Variants in STK32A observed in about 807,000 individuals in gnomAD.
The protein encoded by STK32A is serine/threonine-protein kinase 32A.
STK32A carries 41 observed loss-of-function variants against 53.2 expected under a neutral mutation model. The observed-to-expected ratio is 0.77, with a 90% CI of 0.60 to 1.00. The LOEUF (loss-of-function observed/expected upper bound fraction) is 1.00, where lower values mean the gene tolerates loss of function less well. STK32A is among the 50% of genes least tolerant of loss of function. The pLI is 0.00. For synonymous variants in STK32A, 166 were observed against 162.8 expected (o/e 1.02, Z -0.15); for missense variants, 458 against 485.8 (o/e 0.94, Z 0.54).
intron 7 of STK32A, among the ~76,000 whole-genome samples, chr5:147,357,915 T>C (rs1756326654): frequency 6.6e-6 from 1 of 152,114 alleles, no homozygotes; most frequent in Non-Finnish European, 1.5e-5. Flanking sequence ...ATCTATATTC[T>C]GTAGATTTCA....
chr5:147,270,408 C>T (rs1039249775), intron 2 of STK32A, among the ~76,000 whole-genome samples: 1 of 146,266 alleles, frequency 6.8e-6, no homozygotes. Flanking sequence ...TTGAGACAGT[C>T]TCCCTATGTT....
At chr5:147,370,859 G>A in intron 9 of STK32A, 89 bp downstream of exon 9, 1 of 818,878 alleles carries the variant, frequency 1.2e-6, no homozygotes, top group Non-Finnish European at 2.1e-6. Context: ...CAATATTGGG[G>A]ACAGTCATGA....
intron 4 of STK32A, among the ~76,000 whole-genome samples, chr5:147,300,461 G>T (rs1156433603): frequency 2.0e-5 from 3 of 152,166 alleles, no homozygotes; most frequent in African/African-American, 7.2e-5. Flanking sequence ...ACTGTGTAAG[G>T]CAGGTATGTC....
intron 6 of STK32A, among the ~76,000 whole-genome samples, chr5:147,343,759 C>T (rs952083631): frequency 3.9e-5 from 6 of 152,050 alleles, no homozygotes; most frequent in African/African-American, 1.2e-4. Context: ...TAGTATGTAC[C>T]AATGTATCTC....
At chr5:147,390,484 A>AAG (rs1757770158), downstream of STK32A, among the ~76,000 whole-genome samples, 2 of 151,874 alleles carry the variant, frequency 1.3e-5, no homozygotes, top group African/African-American at 4.8e-5. Context: ...AGACCAAAAA[A>AAG]AAAAAAAAAA....
intron 2 of STK32A, among the ~76,000 whole-genome samples, chr5:147,267,566 A>G (rs1754861604): frequency 6.6e-6 from 1 of 152,192 alleles, no homozygotes; most frequent in African/African-American, 2.4e-5. Context: ...GTGCCTATAG[A>G]TGTATATATG....
the STK32A span, among the ~76,000 whole-genome samples, chr5:147,399,806 A>G: frequency 6.6e-6 from 1 of 152,230 alleles, no homozygotes; most frequent in Non-Finnish European, 1.5e-5. Flanking sequence ...TCTTGGAACT[A>G]TTCCAAATAG....
Position 147,339,700 on chromosome 5 carries a change from C to T in STK32A, c.435-3306C>T, listed in dbSNP as rs564442391. Among the ~76,000 whole-genome samples the T allele has an allele frequency of 6.8e-4, 103 of 152,376 alleles. 6 individuals are homozygous for T. The highest frequency in any genetic ancestry group is 5.6e-3 in the Admixed American group (85 of 15,312). On this transcript the variant is annotated intron_variant, in intron 5 of 12. Transcript: ENST00000397936. ...TGTGGGAGCCCACATGTTACATCAG[C>T]GTGACCTGGATGTGAGACATGGAGT...
At chr5:147,276,695 T>G (rs185288883) in intron 2 of STK32A, among the ~76,000 whole-genome samples, 6 of 152,308 alleles carry the variant, frequency 3.9e-5, no homozygotes, top group Non-Finnish European at 7.4e-5. Context: ...TCATTAAGCT[T>G]ATGCTATAGT....
intron 2 of STK32A, among the ~76,000 whole-genome samples, chr5:147,241,369 C>T (rs2151938159): frequency 6.6e-6 from 1 of 152,256 alleles, no homozygotes; most frequent in Admixed American, 6.5e-5. Flanking sequence ...GTCCCAGCTA[C>T]TCGGGAGGCT....
At chr5:147,391,410 CAGAG>C (rs1043828405), downstream of STK32A, 2 of 152,556 alleles carry the variant, frequency 1.3e-5, no homozygotes, top group African/African-American at 4.8e-5. Context: ...CCGTGGCCCT[CAGAG>C]AGAACCGGGA....
chr5:147,350,030 G>A (rs1755883683), intron 6 of STK32A, among the ~76,000 whole-genome samples: 1 of 151,566 alleles, frequency 6.6e-6, no homozygotes, highest in Admixed American at 6.6e-5. Context: ...AGAATCACTT[G>A]AACCCGGGAG....
intron 4 of STK32A, among the ~76,000 whole-genome samples, chr5:147,306,240 T>C (rs1224644695): frequency 6.6e-6 from 1 of 152,118 alleles, no homozygotes; most frequent in Non-Finnish European, 1.5e-5. Flanking sequence ...TGACCATTTA[T>C]AATCCCTTTG....
At chr5:147,322,016 C>T (rs551730745) in intron 4 of STK32A, among the ~76,000 whole-genome samples, 1 of 152,240 alleles carries the variant, frequency 6.6e-6, no homozygotes, top group African/African-American at 2.4e-5. Context: ...CAGCAGGTCC[C>T]AGATATGATT....
chr5:147,286,775 A>G (rs373461164), intron 4 of STK32A, among the ~76,000 whole-genome samples: 1 of 152,178 alleles, frequency 6.6e-6, no homozygotes, highest in African/African-American at 2.4e-5. Context: ...CTTCTTGGTC[A>G]GTTGTCACAG....
At chr5:147,304,777 C>G (rs1182257676) in intron 4 of STK32A, among the ~76,000 whole-genome samples, 2 of 152,100 alleles carry the variant, frequency 1.3e-5, no homozygotes, top group East Asian at 3.9e-4. Context: ...AAAACCATTT[C>G]AGATGCTGCT....
At chr5:147,284,805 CACAA>C (rs1752252269) in intron 4 of STK32A, among the ~76,000 whole-genome samples, 1 of 151,826 alleles carries the variant, frequency 6.6e-6, no homozygotes, top group Non-Finnish European at 1.5e-5. Context: ...TCATAGATGA[CACAA>C]ACAAATGGAA....
At chr5:147,305,547 G>C (rs548684701) in intron 4 of STK32A, among the ~76,000 whole-genome samples, 25 of 152,254 alleles carry the variant, frequency 1.6e-4, no homozygotes, top group African/African-American at 5.8e-4. Flanking sequence ...ATCTTAATAA[G>C]AGCCAACTCC....
In STK32A at chr5:147,343,000, C is replaced by T. The variant is rs1435926496; in HGVS notation, c.435-6C>T. 1 of 1,613,206 alleles carries T rather than the reference C, an allele frequency of 6.2e-7. No homozygotes were observed. Among genetic ancestry groups the T allele is most frequent in the Admixed American group, 1.7e-5 (1 of 59,988 alleles). On this transcript the variant is annotated splice_polypyrimidine_tract_variant and splice_region_variant and intron_variant, in intron 5 of 12. Coordinates refer to ENST00000397936, the MANE Select transcript of STK32A (RefSeq NM_001112724.2). The stretch of plus-strand genomic sequence containing the variant: ...GCAACTTTCTTTTTTCTTTTTACTC[C>T]TCTAGGGATATGAAGCCTGACAATA...
Sources: gnomAD v4.1 joint callset for allele counts (sites outside exome capture counted in the v4.1 genomes callset) on GRCh38, gnomAD v4.1.1 for gene constraint, MANE v1.5 for transcripts, NCBI Gene and HGNC (gene_info 2026-07-23, HGNC 2026-07-21) for gene names.